Variants in AGTPBP1 observed in about 807,000 individuals in gnomAD.
AGTPBP1 encodes cytosolic carboxypeptidase 1.
In AGTPBP1, 70 loss-of-function variants were observed where a neutral mutation model predicts 143.9. That is an observed-to-expected ratio of 0.49 (90% confidence interval 0.40 to 0.59). The LOEUF is 0.59. AGTPBP1 is among the 20% of genes least tolerant of loss of function. AGTPBP1 has a pLI of 0.00. For missense variants in AGTPBP1, 1,229 were observed against 1,464.5 expected (o/e 0.84, Z 2.62); for synonymous variants, 463 against 500.2 (o/e 0.93, Z 0.99).
the AGTPBP1 span, among the ~76,000 whole-genome samples, chr9:85,753,851 G>A: frequency 3.3e-5 from 5 of 152,058 alleles, no homozygotes; most frequent in African/African-American, 9.7e-5. Flanking sequence ...AACACTAGAT[G>A]CCGCCCAAAT....
At chr9:85,736,083 C>T (rs1006485507) in intron 1 of AGTPBP1, among the ~76,000 whole-genome samples, 30 of 152,200 alleles carry the variant, frequency 2.0e-4, no homozygotes, top group African/African-American at 6.0e-4. Flanking sequence ...GAGCTTTTCA[C>T]GTTGTGCCTT....
chr9:85,787,879 C>T, the AGTPBP1 span: 1 of 152,184 alleles, frequency 6.6e-6, no homozygotes, highest in Non-Finnish European at 1.5e-5. Context: ...AGTGCTGCTA[C>T]AGACCTTTTC....
At chr9:85,776,172 G>A in the AGTPBP1 span, among the ~76,000 whole-genome samples, 1 of 152,184 alleles carries the variant, frequency 6.6e-6, no homozygotes, top group Non-Finnish European at 1.5e-5. Context: ...AAATGCTGAT[G>A]TGAAGTCAAT....
At chr9:85,630,266 G>A (rs1831570403) in intron 14 of AGTPBP1, among the ~76,000 whole-genome samples, 1 of 152,160 alleles carries the variant, frequency 6.6e-6, no homozygotes, top group Non-Finnish European at 1.5e-5. Flanking sequence ...GGGGAAACTT[G>A]GAAGAAAAAC....
chr9:85,641,251 T>C (rs1371565947), intron 13 of AGTPBP1, among the ~76,000 whole-genome samples: 1 of 152,210 alleles, frequency 6.6e-6, no homozygotes, highest in Admixed American at 6.5e-5. Context: ...AACAGGTGAC[T>C]TCTTCACACA....
intron 11 of AGTPBP1, among the ~76,000 whole-genome samples, chr9:85,652,370 G>A (rs1833218825): frequency 6.6e-6 from 1 of 152,028 alleles, no homozygotes; most frequent in African/African-American, 2.4e-5. Context: ...AAATTAGCTG[G>A]GCGTGGTGGT....
the AGTPBP1 span, among the ~76,000 whole-genome samples, chr9:85,771,196 A>T: frequency 6.6e-6 from 1 of 152,222 alleles, no homozygotes; most frequent in Non-Finnish European, 1.5e-5. Context: ...TAAAACACTG[A>T]TATTTTAAAA....
At chr9:85,564,896 T>C (rs1329013067) in intron 25 of AGTPBP1, among the ~76,000 whole-genome samples, 1 of 152,186 alleles carries the variant, frequency 6.6e-6, no homozygotes, top group Non-Finnish European at 1.5e-5. Flanking sequence ...AAATGATGTA[T>C]TTTGCTTGTG....
intron 25 of AGTPBP1, among the ~76,000 whole-genome samples, chr9:85,573,907 G>C (rs1488608649): frequency 5.3e-5 from 8 of 151,274 alleles, no homozygotes; most frequent in Admixed American, 4.6e-4. Context: ...TCTCCGCCCG[G>C]CAGCTGCCCC....
intron 14 of AGTPBP1, among the ~76,000 whole-genome samples, chr9:85,629,074 T>C (rs962094207): frequency 4.6e-5 from 7 of 152,198 alleles, no homozygotes; most frequent in Non-Finnish European, 1.0e-4. Flanking sequence ...TGCATCTCCT[T>C]TGCACTTTAA....
intron 9 of AGTPBP1, 123 bp downstream of exon 9, chr9:85,660,813 C>T (rs1183195561): frequency 1.4e-6 from 1 of 713,172 alleles, no homozygotes; most frequent in East Asian, 3.0e-5. Flanking sequence ...TCAATTTTGA[C>T]ATTAGAATAT....
the AGTPBP1 span, among the ~76,000 whole-genome samples, chr9:85,801,964 G>GAT: frequency 4.3e-4 from 65 of 152,090 alleles, no homozygotes; most frequent in Non-Finnish European, 7.9e-4. Flanking sequence ...ATGTATAATA[G>GAT]ATATATATAA....
chr9:85,757,167 A>G, the AGTPBP1 span, among the ~76,000 whole-genome samples: 67 of 152,254 alleles, frequency 4.4e-4, no homozygotes, highest in South Asian at 0.013. Context: ...CCTGGGTTCA[A>G]GTGATTCTCC....
At position 85,700,392 on chromosome 9, in the gene AGTPBP1, G is replaced by C. The variant is rs73649966; in HGVS notation, c.33-7579C>G. Among the ~76,000 whole-genome samples the C allele has an allele frequency of 2.5e-3, 383 of 152,246 alleles. 2 individuals are homozygous for C. Among genetic ancestry groups the C allele is most frequent in the African/African-American group, 8.9e-3 (368 of 41,534 alleles). On this transcript the variant is annotated intron_variant, in intron 2 of 25. Coordinates refer to ENST00000357081, the MANE Select transcript of AGTPBP1 (RefSeq NM_001330701.2). ...ACAACACCAAGAGGAAAAAAAGAGA[G>C]ATGTGGCAAATGGTGCACTAGCTCT...
intron 8 of AGTPBP1, among the ~76,000 whole-genome samples, chr9:85,664,536 T>C (rs976999237): frequency 1.3e-5 from 2 of 152,170 alleles, no homozygotes; most frequent in Non-Finnish European, 1.5e-5. Flanking sequence ...CCAGCCTATG[T>C]CCATTCTCAT....
At chr9:85,629,473 G>A (rs1206492958) in intron 14 of AGTPBP1, among the ~76,000 whole-genome samples, 1 of 152,202 alleles carries the variant, frequency 6.6e-6, no homozygotes, top group African/African-American at 2.4e-5. Flanking sequence ...GAGAGAGGGA[G>A]TGAAGCTTGG....
At chr9:85,737,325 GA>G (rs1167023467) in intron 1 of AGTPBP1, among the ~76,000 whole-genome samples, 1 of 152,088 alleles carries the variant, frequency 6.6e-6, no homozygotes, top group East Asian at 1.9e-4. Flanking sequence ...CTTTTTTAAT[GA>G]AAGTGACTGA....
intron 23 of AGTPBP1, among the ~76,000 whole-genome samples, chr9:85,584,128 C>T (rs1297999947): frequency 6.6e-6 from 1 of 151,968 alleles, no homozygotes; most frequent in Admixed American, 6.6e-5. Flanking sequence ...TCACTAGTCT[C>T]ATTTTCTTAT....
intron 12 of AGTPBP1, among the ~76,000 whole-genome samples, chr9:85,644,192 TATC>T (rs138091075): frequency 0.021 from 3,150 of 152,066 alleles, 32 homozygotes; most frequent in Middle Eastern, 0.055. Context: ...ATTTAAATGT[TATC>T]ATATTAATCA....
Sources: allele counts gnomAD v4.1 joint callset (sites outside exome capture counted in the v4.1 genomes callset), GRCh38; gene constraint gnomAD v4.1.1; transcripts MANE v1.5; gene names NCBI Gene and HGNC (gene_info 2026-07-23, HGNC 2026-07-21).